CD96: variants seen among roughly 807,000 people sequenced by gnomAD.
The protein encoded by CD96 is CD96 molecule.
Under a neutral mutation model 71.3 loss-of-function variants are expected in CD96, and 70 were observed. That is an observed-to-expected ratio of 0.98 (90% CI 0.81 to 1.20). CD96 has a LOEUF of 1.20. Among genes scored for constraint, CD96 ranks in the 50% most tolerant of loss-of-function variants. CD96 has a pLI of 0.00. For missense variants in CD96, 742 were observed against 677.5 expected (o/e 1.10, Z -1.06); for synonymous variants, 248 against 233.0 (o/e 1.06, Z -0.59).
At chr3:111,641,735 C>T (rs1198883552) in intron 12 of CD96, among the ~76,000 whole-genome samples, 1 of 152,134 alleles carries the variant, frequency 6.6e-6, no homozygotes, top group Non-Finnish European at 1.5e-5. Flanking sequence ...CCAAGATAGA[C>T]CATATGATAG....
At chr3:111,585,561 A>G (rs747324473) in intron 5 of CD96, among the ~76,000 whole-genome samples, 183 bp downstream of exon 5, 1 of 152,138 alleles carries the variant, frequency 6.6e-6, no homozygotes, top group Non-Finnish European at 1.5e-5. Flanking sequence ...TTACTTTTAG[A>G]CTTAGGGCTC....
chr3:111,562,383 A>T (rs910401979), intron 2 of CD96, among the ~76,000 whole-genome samples: 1 of 152,104 alleles, frequency 6.6e-6, no homozygotes, highest in African/African-American at 2.4e-5. Flanking sequence ...ATTAAAAAAT[A>T]TATATATATT....
chr3:111,545,119 C>CCAA lies in CD96; in HGVS notation c.136_138dup (p.Gln46dup). The CCAA allele has an allele frequency of 6.2e-7, 1 of 1,614,146 alleles. No individual in the cohort carries two copies. The highest frequency in any genetic ancestry group is 2.2e-5 in the East Asian group (1 of 44,888). The stretch of plus-strand genomic sequence containing the variant: ...TTGGCTCTGATGTCAACCTGACCTG[C>CCAA]CAAACACAGACAGTAGGCTTCTTCG... On this transcript the variant is annotated inframe_insertion, in exon 2 of 14. Transcript: ENST00000352690.
rs187795965 is a variant in CD96, at chr3:111,562,874, C to A, written c.419-4649C>A. ...TTTCCAGGATCTCCATGTTAAAGGT[C>A]TTTCTGGTCTAGCACTGTCTTTGTT... On this transcript the variant is annotated intron_variant, in intron 2 of 13. Coordinates refer to ENST00000352690, the MANE Select transcript of CD96 (RefSeq NM_005816.5). Among the ~76,000 whole-genome samples the A allele has an allele frequency of 2.0e-3, 300 of 152,312 alleles. 3 individuals are homozygous for A. The highest frequency in any genetic ancestry group is 3.2e-3 in the Non-Finnish European group (220 of 68,038).
At chr3:111,623,935 T>C in intron 9 of CD96, 113 bp downstream of exon 9, 1 of 769,214 alleles carries the variant, frequency 1.3e-6, no homozygotes, top group South Asian at 1.4e-5. Context: ...TTTCATTTGA[T>C]GTTTGTTAAT....
chr3:111,585,818 C>G (rs1458594787), intron 5 of CD96, among the ~76,000 whole-genome samples: 1 of 152,078 alleles, frequency 6.6e-6, no homozygotes, highest in Non-Finnish European at 1.5e-5. Flanking sequence ...GATATGCCCT[C>G]CTGTACTCCT....
chr3:111,624,935 GAT>G (rs1938676826), intron 10 of CD96, among the ~76,000 whole-genome samples: 1 of 152,230 alleles, frequency 6.6e-6, no homozygotes. Context: ...ATACAGACAG[GAT>G]CTGAAGAAGA....
chr3:111,598,117 C>A lies in CD96; in HGVS notation c.808-3C>A. 1 of 1,290,332 alleles carries A rather than the reference C, an allele frequency of 7.7e-7. No homozygotes were observed. The allele number at this position is 1,290,332 out of a possible 1,614,324, so 79.9% of individuals were successfully genotyped here. A position where few individuals can be genotyped will look rare whatever the true frequency, so the allele number is the denominator to read the frequency against. On this transcript the variant is annotated splice_region_variant and splice_polypyrimidine_tract_variant and intron_variant, in intron 5 of 13. Transcript: ENST00000352690. ...AATAATCCTTTTTCTGTCTTTACCC[C>A]AGAGAAGATTTACCTGCTTACTAAA... is the stretch of plus-strand genomic sequence containing the variant.
At chr3:111,578,155 C>T (rs745352589) in intron 3 of CD96, among the ~76,000 whole-genome samples, 2 of 152,100 alleles carry the variant, frequency 1.3e-5, no homozygotes, top group African/African-American at 2.4e-5. Context: ...CCCTTGTGCC[C>T]GTCAAGAATC....
rs780690229 is a variant in CD96 at position 111,647,534 on chromosome 3, C to T, written c.1478-9C>T. 5 of 1,611,156 alleles carry T rather than the reference C, an allele frequency of 3.1e-6. No individual in the cohort carries two copies. Among genetic ancestry groups the T allele is most frequent in the African/African-American group, 2.7e-5 (2 of 74,916 alleles). On this transcript the variant is annotated splice_polypyrimidine_tract_variant and intron_variant, in intron 12 of 13. Transcript: ENST00000352690. Reference sequence around the variant, plus strand: ...GATTAAAGTTCATCTTTCTTTATGCCCTTTTCAGGTATTGTGGTCAATAAG... The same window carrying T: ...GATTAAAGTTCATCTTTCTTTATGCTCTTTTCAGGTATTGTGGTCAATAAG...
At chr3:111,554,896 G>A (rs2107497761) in intron 2 of CD96, among the ~76,000 whole-genome samples, 1 of 151,978 alleles carries the variant, frequency 6.6e-6, no homozygotes, top group Admixed American at 6.6e-5. Flanking sequence ...TGGGGGTGAT[G>A]GGAAACAGCA....
At chr3:111,616,645 T>C (rs1411332534) in intron 8 of CD96, among the ~76,000 whole-genome samples, 1 of 152,186 alleles carries the variant, frequency 6.6e-6, no homozygotes, top group Non-Finnish European at 1.5e-5. Flanking sequence ...TTGGGTTCAG[T>C]TGTTGTCTCT....
rs1940018736 is a variant in CD96, at chr3:111,650,303, CT to C, written c.*499del. The C allele has an allele frequency of 1.1e-5, 2 of 175,404 alleles. No homozygotes were observed. Among genetic ancestry groups the C allele is most frequent in the South Asian group, 2.5e-4 (2 of 7,866 alleles). 10.9% of individuals were successfully genotyped at this position (175,404 alleles called of 1,614,324 possible). A position where few individuals can be genotyped will look rare whatever the true frequency, so the allele number is the denominator to read the frequency against. ...CAAGTAATGGAGAAGTATGGTTAGT[CT>C]TCATATTGAAATTCTGTTGCTTATT... is the stretch of plus-strand genomic sequence containing the variant. On this transcript the variant is annotated 3_prime_UTR_variant, in exon 14 of 14. Transcript: ENST00000352690.
rs753305645 is a variant in CD96, at chr3:111,649,660, C to T, written c.1602-38C>T. 8.9e-6 allele frequency: 11 copies of T among 1,230,242 alleles called. No homozygotes were observed. In the East Asian group the frequency reaches 2.1e-4, roughly 23 times the overall value. 76.2% of individuals were successfully genotyped at this position (1,230,242 alleles called of 1,614,324 possible). On this transcript the variant is annotated intron_variant, in intron 13 of 13. Transcript: ENST00000352690. ...TGTGTGTGTGTGCATAAGACTCCCT[C>T]AATTCTTAGCATTGAAAGACCAATA...
intron 7 of CD96, among the ~76,000 whole-genome samples, chr3:111,602,075 C>A (rs1439217842): frequency 6.6e-6 from 1 of 152,168 alleles, no homozygotes; most frequent in Admixed American, 6.5e-5. Flanking sequence ...TCATCTAATT[C>A]CCTCAGGAAT....
chr3:111,606,691 T>A lies in CD96; in HGVS notation c.1088-9T>A, dbSNP rs1937635237. Reference sequence around the variant, plus strand: ...TTGTTCATTATAAATCTCTTTCTAATCCTTTAAGGTTCTGAAATTTCCTCA... The same window carrying A: ...TTGTTCATTATAAATCTCTTTCTAAACCTTTAAGGTTCTGAAATTTCCTCA... On this transcript the variant is annotated splice_polypyrimidine_tract_variant and intron_variant, in intron 7 of 13. Transcript: ENST00000352690. 1 of 1,388,844 alleles carries A rather than the reference T, an allele frequency of 7.2e-7. No individual in the cohort carries two copies. Among genetic ancestry groups the A allele is most frequent in the Non-Finnish European group, 1.0e-6 (1 of 974,542 alleles). The allele number at this position is 1,388,844 out of a possible 1,614,324, so 86.0% of individuals were successfully genotyped here. A position where few individuals can be genotyped will look rare whatever the true frequency, so the allele number is the denominator to read the frequency against.
rs753334850 is a variant in CD96, at chr3:111,542,206, T to A, written c.-43T>A. On this transcript the variant is annotated 5_prime_UTR_variant, in exon 1 of 14. Coordinates refer to ENST00000352690, the MANE Select transcript of CD96 (RefSeq NM_005816.5). The stretch of plus-strand genomic sequence containing the variant: ...TTTGCTTGAAAACATCAATTGACTT[T>A]GTGATCATTACAGAAATGCTGGTGT... 2.5e-6 allele frequency: 4 copies of A among 1,581,308 alleles called. No homozygotes were observed. The highest frequency in any genetic ancestry group is 3.5e-6 in the Non-Finnish European group (4 of 1,150,154).
chr3:111,615,235 T>G (rs1397750208), intron 8 of CD96, among the ~76,000 whole-genome samples: 1 of 152,210 alleles, frequency 6.6e-6, no homozygotes, highest in Admixed American at 6.5e-5. Context: ...GTTAACCCAC[T>G]GAGAGGATCC....
At chr3:111,593,018 TG>T (rs1937066822) in intron 5 of CD96, 1 of 152,318 alleles carries the variant, frequency 6.6e-6, no homozygotes, top group Non-Finnish European at 1.5e-5. Context: ...TTCCACTTGC[TG>T]GGTCACACAG....
Sources: allele counts gnomAD v4.1 joint callset (sites outside exome capture counted in the v4.1 genomes callset), GRCh38; gene constraint gnomAD v4.1.1; transcripts MANE v1.5; gene names NCBI Gene and HGNC (gene_info 2026-07-23, HGNC 2026-07-21).